The following ASB5 variants were observed in gnomAD, a reference collection of about 807,000 sequenced individuals.
ASB5 encodes ankyrin repeat and SOCS box containing 5.
In ASB5, 45 loss-of-function variants were observed where a neutral mutation model predicts 42.1. The ratio of observed to expected loss-of-function variants is 1.07; its 90% CI spans 0.84 to 1.37. The LOEUF is 1.37. Ranked by LOEUF, ASB5 falls within the 40% of genes most tolerant of loss-of-function variation. The pLI is 0.00. For missense variants in ASB5, 402 were observed against 399.8 expected, an observed-to-expected ratio of 1.01 and a Z score of -0.05; for synonymous variants, 147 against 150.6, an observed-to-expected ratio of 0.98 and a Z score of 0.18.
intron 1 of ASB5, among the ~76,000 whole-genome samples, chr4:176,236,698 C>A (rs7685533): frequency 0.33 from 50,633 of 152,002 alleles, 8,999 homozygotes; most frequent in Non-Finnish European, 0.39. Context: ...GAGTCATTTT[C>A]TCTCTGAATC....
intron 1 of ASB5, among the ~76,000 whole-genome samples, chr4:176,231,052 G>A (rs1753528211): frequency 6.6e-6 from 1 of 152,064 alleles, no homozygotes; most frequent in Non-Finnish European, 1.5e-5. Context: ...CCAGACATCT[G>A]GTATATAATT....
At chr4:176,230,532 T>G (rs992987630) in intron 1 of ASB5, among the ~76,000 whole-genome samples, 2 of 152,178 alleles carry the variant, frequency 1.3e-5, no homozygotes, top group African/African-American at 4.8e-5. Flanking sequence ...TCCCTGTTAT[T>G]TATTTTCTTG....
intron 1 of ASB5, among the ~76,000 whole-genome samples, chr4:176,262,559 A>C (rs572193417): frequency 9.9e-5 from 15 of 152,178 alleles, no homozygotes; most frequent in Non-Finnish European, 1.9e-4. Context: ...CTCTACATAC[A>C]TTTCTCTGTA....
intron 1 of ASB5, among the ~76,000 whole-genome samples, chr4:176,228,750 A>G (rs1350224398): frequency 2.0e-5 from 3 of 152,284 alleles, no homozygotes; most frequent in East Asian, 3.9e-4. Flanking sequence ...AGGAAATTGG[A>G]ACATTGTGTT....
In ASB5 at chr4:176,215,344, T is replaced by C. The variant is rs1036846494; in HGVS notation, c.*256A>G. 1 of 250,044 alleles carries C rather than the reference T, an allele frequency of 4.0e-6. No individual in the cohort carries two copies. Among genetic ancestry groups the C allele is most frequent in the Non-Finnish European group, 7.4e-6 (1 of 134,318 alleles). 15.5% of individuals were successfully genotyped at this position (250,044 alleles called of 1,614,324 possible). On this transcript the variant is annotated 3_prime_UTR_variant, in exon 7 of 7. Coordinates refer to ENST00000296525, the MANE Select transcript of ASB5 (RefSeq NM_080874.4). ...AAACATAAGATAGTGACTTTATTAT[T>C]TTTTCCTGAATAAACAGGAGGGTAT...
At chr4:176,223,884 C>A (rs573898170) in intron 2 of ASB5, among the ~76,000 whole-genome samples, 3 of 152,166 alleles carry the variant, frequency 2.0e-5, no homozygotes, top group African/African-American at 7.2e-5. Context: ...AAGAACCACA[C>A]GGCCCTTTCT....
chr4:176,238,664 C>G (rs1293503360), intron 1 of ASB5, among the ~76,000 whole-genome samples: 1 of 151,806 alleles, frequency 6.6e-6, no homozygotes, highest in Non-Finnish European at 1.5e-5. Context: ...TTTTTTTCAT[C>G]AGTATTTTTA....
chr4:176,253,107 T>C (rs887527958), intron 1 of ASB5, among the ~76,000 whole-genome samples: 10 of 152,334 alleles, frequency 6.6e-5, no homozygotes, highest in Non-Finnish European at 1.3e-4. Flanking sequence ...TTGAGAAACA[T>C]GAGACTTACT....
intron 1 of ASB5, among the ~76,000 whole-genome samples, chr4:176,244,675 C>T (rs763705094): frequency 8.6e-5 from 13 of 151,972 alleles, no homozygotes; most frequent in Admixed American, 2.6e-4. Flanking sequence ...TTTTGAAGAC[C>T]GAGGAGGTGG....
chr4:176,241,606 C>T, intron 1 of ASB5: 1 of 1,412,928 alleles, frequency 7.1e-7, no homozygotes, highest in Non-Finnish European at 9.2e-7. Context: ...CCAGTTCTTG[C>T]TCCATTTTAT....
At position 176,253,460 on chromosome 4, in the gene ASB5, A is replaced by C. The variant is rs545631840; in HGVS notation, c.196+15453T>G. 2.6e-5 allele frequency among the ~76,000 whole-genome samples: 4 copies of C among 152,366 alleles called. No homozygotes were observed. In the East Asian group the frequency reaches 7.7e-4, roughly 29 times the overall value. ...TCATACTAAACAGGCAAAAACTGGA[A>C]GCATTCCTGCTGAGAACTGGAACAA... On this transcript the variant is annotated intron_variant, in intron 1 of 6. Transcript: ENST00000296525.
intron 1 of ASB5, chr4:176,237,293 C>G: frequency 4.1e-6 from 4 of 985,854 alleles, no homozygotes; most frequent in Non-Finnish European, 4.8e-6. Flanking sequence ...GCTATACTAA[C>G]CTTGACTGGT....
intron 1 of ASB5, among the ~76,000 whole-genome samples, chr4:176,247,595 A>C (rs1753936193): frequency 6.6e-6 from 1 of 152,234 alleles, no homozygotes; most frequent in Admixed American, 6.5e-5. Flanking sequence ...CCCACTTTCC[A>C]ATACATGGTG....
At chr4:176,225,602 T>A (rs1261435228) in intron 1 of ASB5, among the ~76,000 whole-genome samples, 1 of 152,192 alleles carries the variant, frequency 6.6e-6, no homozygotes, top group African/African-American at 2.4e-5. Context: ...TTTTTTATTT[T>A]ATTTAATAGA....
In ASB5 at chr4:176,221,143, A is replaced by G; in HGVS notation, c.670+12T>C. ...GTATGGACAGAATGGAAGATGTTTT[A>G]AAGGAAAATACCAGCATAAAGAAGC... On this transcript the variant is annotated intron_variant, in intron 5 of 6. Transcript: ENST00000296525. 6.2e-7 allele frequency: 1 copy of G among 1,605,978 alleles called. No individual in the cohort carries two copies. The highest frequency in any genetic ancestry group is 8.5e-7 in the Non-Finnish European group (1 of 1,176,912).
In ASB5 at chr4:176,213,728, T is replaced by G. The variant is rs1434914244; in HGVS notation, c.*1872A>C. On this transcript the variant is annotated 3_prime_UTR_variant, in exon 7 of 7. Coordinates refer to ENST00000296525, the MANE Select transcript of ASB5 (RefSeq NM_080874.4). ...AATATAATAACAAACATACAATACA[T>G]TAAAGTTAGAACACTACTTTGATAA... 8 of 152,070 alleles carry G rather than the reference T, an allele frequency of 5.3e-5. No homozygotes were observed. The allele number at this position is 152,070 out of a possible 1,614,324, so 9.4% of individuals were successfully genotyped here.
rs953192812 is a variant in ASB5 at position 176,240,011 on chromosome 4, T to C, written c.197-14670A>G. 9.2e-5 allele frequency among the ~76,000 whole-genome samples: 14 copies of C among 152,274 alleles called. No homozygotes were observed. The East Asian group carries it at 2.7e-3, about 29-fold the overall frequency. ...CGTTCTGTGTGCTCAGCTGTATGGA[T>C]TCATAAAAAGAAATGCACAGTGAGT... On this transcript the variant is annotated intron_variant, in intron 1 of 6. Transcript: ENST00000296525.
At chr4:176,274,207 C>T (rs1445708445), upstream of ASB5, among the ~76,000 whole-genome samples, 5 of 152,142 alleles carry the variant, frequency 3.3e-5, no homozygotes, top group African/African-American at 1.2e-4. Flanking sequence ...GGCAGCATCA[C>T]GGTACCTTCA....
At chr4:176,254,685 A>T (rs1295176591) in intron 1 of ASB5, among the ~76,000 whole-genome samples, 1 of 152,220 alleles carries the variant, frequency 6.6e-6, no homozygotes, top group Non-Finnish European at 1.5e-5. Flanking sequence ...AGAATCTATA[A>T]GGAACTTAAT....
Sources: allele counts gnomAD v4.1 joint callset (sites outside exome capture counted in the v4.1 genomes callset), GRCh38; gene constraint gnomAD v4.1.1; transcripts MANE v1.5; gene names NCBI Gene and HGNC (gene_info 2026-07-23, HGNC 2026-07-21).